Variants in ZNF701 observed in about 807,000 individuals in gnomAD.
ZNF701 encodes zinc finger protein 701.
ZNF701 carries 6 observed loss-of-function variants against 7.1 expected under a neutral mutation model. That is an observed-to-expected ratio of 0.84 (90% CI 0.46 to 1.66). The LOEUF is 1.66. Ranked by LOEUF, ZNF701 falls within the 40% of genes most tolerant of loss-of-function variation. ZNF701 has a pLI of 0.01. For synonymous variants in ZNF701, 166 were observed against 188.2 expected, an observed-to-expected ratio of 0.88 and a Z score of 0.97; for missense variants, 541 against 559.2, an observed-to-expected ratio of 0.97 and a Z score of 0.33.
At chr19:52,588,376 C>T (rs2060023517), downstream of ZNF701, 1 of 155,248 alleles carries the variant, frequency 6.4e-6, no homozygotes, top group African/African-American at 2.4e-5. Context: ...ATCCCAGCTA[C>T]TTAAGAGGCT....
chr19:52,571,894 G>C (rs1391863695), intron 1 of ZNF701, among the ~76,000 whole-genome samples: 2 of 151,998 alleles, frequency 1.3e-5, no homozygotes, highest in African/African-American at 4.8e-5. Flanking sequence ...TGCGATCTCG[G>C]CTCACTGCAA....
intron 3 of ZNF701, among the ~76,000 whole-genome samples, chr19:52,577,896 T>C (rs1323199967): frequency 6.6e-6 from 1 of 152,066 alleles, no homozygotes; most frequent in Non-Finnish European, 1.5e-5. Context: ...TACTCCTGGC[T>C]CCTCTTTGAA....
the ZNF701 span, among the ~76,000 whole-genome samples, chr19:52,593,791 C>CA: frequency 2.7e-5 from 3 of 112,360 alleles, 1 homozygote; most frequent in Non-Finnish European, 5.8e-5. Flanking sequence ...CCCCACATCT[C>CA]AGACGATGGG....
downstream of ZNF701, among the ~76,000 whole-genome samples, chr19:52,591,223 G>A (rs539921428): frequency 7.2e-5 from 11 of 152,246 alleles, no homozygotes; most frequent in African/African-American, 2.6e-4. Context: ...TGTTGCCCAG[G>A]CTGGAGTGCA....
In ZNF701 at chr19:52,584,044, G is replaced by T. The variant is rs975599095; in HGVS notation, c.*587G>T. 5 of 454,428 alleles carry T rather than the reference G, an allele frequency of 1.1e-5. No individual in the cohort carries two copies. The highest frequency in any genetic ancestry group is 5.0e-5 in the Admixed American group (2 of 39,654). The allele number at this position is 454,428 out of a possible 1,614,324, so 28.1% of individuals were successfully genotyped here. A position where few individuals can be genotyped will look rare whatever the true frequency, so the allele number is the denominator to read the frequency against. Reference sequence around the variant, plus strand: ...CATACAGGAGAGAAACCTCACAAGTGTGATGATTGTGAGCAAAGCCTTTAC... The same window carrying T: ...CATACAGGAGAGAAACCTCACAAGTTTGATGATTGTGAGCAAAGCCTTTAC... On this transcript the variant is annotated 3_prime_UTR_variant, in exon 4 of 4. Transcript: ENST00000391785.
chr19:52,572,253 C>CTA (rs2059905771), intron 1 of ZNF701: 2 of 441,410 alleles, frequency 4.5e-6, no homozygotes, highest in African/African-American at 4.2e-5. Flanking sequence ...TGGGGTTTCT[C>CTA]CATGTTGGTC....
At chr19:52,578,253 CAA>C (rs58385761) in intron 3 of ZNF701, among the ~76,000 whole-genome samples, 17 of 40,922 alleles carry the variant, frequency 4.2e-4, no homozygotes, top group Admixed American at 1.7e-3. Flanking sequence ...GACTCCGTCT[CAA>C]AAAAAAAAAA....
the ZNF701 span, among the ~76,000 whole-genome samples, chr19:52,593,253 A>G: frequency 8.5e-6 from 1 of 117,300 alleles, no homozygotes; most frequent in East Asian, 2.2e-4. Context: ...ATTCTACAAA[A>G]CCGCCATTGT....
In ZNF701 at chr19:52,582,703, TCC is replaced by T. The variant is rs752016406; in HGVS notation, c.645_646del (p.Phe215LeufsTer3). On this transcript the variant is annotated frameshift_variant, in exon 4 of 4. Coordinates refer to ENST00000391785, the MANE Select transcript of ZNF701 (RefSeq NM_018260.3). LOFTEE classifies it low-confidence loss of function (END_TRUNC). ...GAAGTACACACAAGAGAAAAATCTT[TCC>T]AACGTAATGAGAGTGGCAAAGCCTT... 6.2e-7 allele frequency: 1 copy of T among 1,614,108 alleles called. No individual in the cohort carries two copies. The highest frequency in any genetic ancestry group is 1.3e-5 in the African/African-American group (1 of 75,034).
chr19:52,591,791 G>A (rs527522722), downstream of ZNF701, among the ~76,000 whole-genome samples: 1 of 152,128 alleles, frequency 6.6e-6, no homozygotes, highest in Non-Finnish European at 1.5e-5. Flanking sequence ...CCTCAAGTCA[G>A]GTGATCCACC....
intron 1 of ZNF701, among the ~76,000 whole-genome samples, chr19:52,573,759 T>C (rs2059915071): frequency 1.3e-5 from 2 of 151,918 alleles, no homozygotes; most frequent in Admixed American, 1.3e-4. Context: ...TCAAGCGATG[T>C]ACCCACCTTG....
chr19:52,583,134 T>A lies in ZNF701; in HGVS notation c.1075T>A (p.Cys359Ser). Residue 359 changes from cysteine to serine, a missense_variant, in exon 4 of 4, where the codon TGT becomes AGT. Transcript: ENST00000391785. ...TGEKPYKCKV[C>S]DKAFRRDSHL... Reference sequence around the variant, plus strand: ...AGAGAAACCATACAAATGTAAGGTTTGTGACAAGGCTTTCAGACGTGATTC... The same window carrying A: ...AGAGAAACCATACAAATGTAAGGTTAGTGACAAGGCTTTCAGACGTGATTC... 6.2e-7 allele frequency: 1 copy of A among 1,613,818 alleles called. No homozygotes were observed. Among genetic ancestry groups the A allele is most frequent in the Non-Finnish European group, 8.5e-7 (1 of 1,179,840 alleles).
At chr19:52,593,654 G>A in the ZNF701 span, among the ~76,000 whole-genome samples, 2 of 108,800 alleles carry the variant, frequency 1.8e-5, 1 homozygote, top group East Asian at 4.7e-4. Flanking sequence ...GGCGGCTGCC[G>A]GGCGGAGGGG....
Position 52,583,978 on chromosome 19 carries a change from G to A in ZNF701, c.*521G>A. ...CTTACAAATGTGATGATTGTGGCAAGGTCTTCAGTCAAGCTTCATCTTTTG... is the reference window on the plus strand; with the variant it reads ...CTTACAAATGTGATGATTGTGGCAAAGTCTTCAGTCAAGCTTCATCTTTTG... On this transcript the variant is annotated 3_prime_UTR_variant, in exon 4 of 4. Transcript: ENST00000391785. 1 of 416,418 alleles carries A rather than the reference G, an allele frequency of 2.4e-6. No individual in the cohort carries two copies. Among genetic ancestry groups the A allele is most frequent in the East Asian group, 6.9e-5 (1 of 14,548 alleles). 25.8% of individuals were successfully genotyped at this position (416,418 alleles called of 1,614,324 possible).
chr19:52,583,930 G>A lies in ZNF701; in HGVS notation c.*473G>A. The A allele has an allele frequency of 5.1e-6, 2 of 393,878 alleles. No homozygotes were observed. Among genetic ancestry groups the A allele is most frequent in the South Asian group, 2.1e-5 (1 of 48,034 alleles). 24.4% of individuals were successfully genotyped at this position (393,878 alleles called of 1,614,324 possible). On this transcript the variant is annotated 3_prime_UTR_variant, in exon 4 of 4. Transcript: ENST00000391785. Reference sequence around the variant, plus strand: ...ATCATTCATAACTTGCAGTTCATTGGCGATCTTATACAGGAGAGAAATCTT... The same window carrying A: ...ATCATTCATAACTTGCAGTTCATTGACGATCTTATACAGGAGAGAAATCTT...
chr19:52,588,620 T>G, downstream of ZNF701: 1 of 381,596 alleles, frequency 2.6e-6, no homozygotes. Flanking sequence ...TCAGGTAAAG[T>G]GATATTCCTC....
At position 52,583,160 on chromosome 19, in the gene ZNF701, A is replaced by T; in HGVS notation, c.1101A>T (p.Ser367=). 3 of 1,613,766 alleles carry T rather than the reference A, an allele frequency of 1.9e-6. No individual in the cohort carries two copies. The highest frequency in any genetic ancestry group is 2.5e-6 in the Non-Finnish European group (3 of 1,179,818). ...KVCDKAFRRD[S]HLAQHTVIHT... is the part of the protein sequence containing the mutation. Reference sequence around the variant, plus strand: ...GTGACAAGGCTTTCAGACGTGATTCACACCTGGCACAACATACTGTAATTC... The same window carrying T: ...GTGACAAGGCTTTCAGACGTGATTCTCACCTGGCACAACATACTGTAATTC... Residue 367 remains serine (S), a synonymous_variant, in exon 4 of 4, where the codon TCA becomes TCT. Coordinates refer to ENST00000391785, the MANE Select transcript of ZNF701 (RefSeq NM_018260.3).
At chr19:52,581,096 C>T (rs1489143725) in intron 3 of ZNF701, among the ~76,000 whole-genome samples, 1 of 151,844 alleles carries the variant, frequency 6.6e-6, no homozygotes, top group Non-Finnish European at 1.5e-5. Flanking sequence ...TGCACTCTGT[C>T]CAGTGACAGA....
At chr19:52,581,001 G>A (rs1045210775) in intron 3 of ZNF701, among the ~76,000 whole-genome samples, 4 of 151,952 alleles carry the variant, frequency 2.6e-5, no homozygotes, top group Admixed American at 6.6e-5. Context: ...GTGCATGCCT[G>A]TAATCCCAGC....
Sources: gnomAD v4.1 joint callset for allele counts (sites outside exome capture counted in the v4.1 genomes callset) on GRCh38, gnomAD v4.1.1 for gene constraint, MANE v1.5 for transcripts, NCBI Gene and HGNC (gene_info 2026-07-23, HGNC 2026-07-21) for gene names.